The following DNHD1 variants were observed in gnomAD, a reference collection of about 807,000 sequenced individuals.
DNHD1 encodes dynein heavy chain domain 1.
In DNHD1, 383 loss-of-function variants were observed where a neutral mutation model predicts 458.1. The observed-to-expected ratio is 0.84, with a 90% CI of 0.77 to 0.91. The LOEUF is 0.91. Among genes scored for constraint, DNHD1 ranks in the 40% least tolerant of loss-of-function variants. The pLI, the probability that DNHD1 is intolerant of heterozygous loss-of-function variation, is 0.00. For synonymous variants in DNHD1, 2,203 were observed against 2,376.9 expected, an observed-to-expected ratio of 0.93 and a Z score of 2.13; for missense variants, 5,336 against 5,866.1, an observed-to-expected ratio of 0.91 and a Z score of 2.95.
rs1458047314 is a variant in DNHD1, at chr11:6,497,877, G to A, written c.-339G>A. 4 of 292,730 alleles carry A rather than the reference G, an allele frequency of 1.4e-5. No individual in the cohort carries two copies. The Admixed American group carries it at 1.9e-4, about 14-fold the overall frequency. The allele number at this position is 292,730 out of a possible 1,614,324, so 18.1% of individuals were successfully genotyped here. A position where few individuals can be genotyped will look rare whatever the true frequency, so the allele number is the denominator to read the frequency against. ...GGACAGGGTACTGGGAGGTAAGAAG[G>A]AACTCTTCTGCAAGGAGGGCTCTCA... On this transcript the variant is annotated 5_prime_UTR_variant, in exon 3 of 43. Transcript: ENST00000254579.
At chr11:6,563,220 A>G in intron 29 of DNHD1, 89 bp downstream of exon 29, 5 of 1,540,928 alleles carry the variant, frequency 3.2e-6, no homozygotes, top group Non-Finnish European at 4.4e-6. Flanking sequence ...GGATGGAGTG[A>G]CTCATCATGG....
intron 24 of DNHD1, 190 bp downstream of exon 24, chr11:6,549,123 T>C (rs1853282997): frequency 1.5e-6 from 1 of 655,346 alleles, no homozygotes; most frequent in Middle Eastern, 4.2e-4. Context: ...ATCTCTGCTT[T>C]GCTAAATCTC....
At chr11:6,532,163 A>G (rs1381872042) in intron 12 of DNHD1, among the ~76,000 whole-genome samples, 1 of 152,158 alleles carries the variant, frequency 6.6e-6, no homozygotes, top group Non-Finnish European at 1.5e-5. Context: ...TCTATATTGT[A>G]TTTTTCCTAT....
At chr11:6,530,705 T>A (rs1002650015) in intron 12 of DNHD1, among the ~76,000 whole-genome samples, 1 of 152,172 alleles carries the variant, frequency 6.6e-6, no homozygotes, top group Non-Finnish European at 1.5e-5. Flanking sequence ...CATGTATCAT[T>A]AGGTATCCAG....
intron 24 of DNHD1, among the ~76,000 whole-genome samples, chr11:6,549,642 AG>A (rs1853294406): frequency 6.6e-6 from 1 of 152,240 alleles, no homozygotes; most frequent in Non-Finnish European, 1.5e-5. Context: ...CCTGATCCAT[AG>A]GCTCGGTTAG....
At position 6,538,888 on chromosome 11, in the gene DNHD1, T is replaced by C. The variant is rs1002943424; in HGVS notation, c.3325+78T>C. On this transcript the variant is annotated intron_variant, in intron 16 of 42. Coordinates refer to ENST00000254579, the MANE Select transcript of DNHD1 (RefSeq NM_144666.3). Reference sequence around the variant, plus strand: ...GCGATGCAGCAACTCAGTTTCCTGCTGCTCCTGCTGGAAACACCTTTCATC... The same window carrying C: ...GCGATGCAGCAACTCAGTTTCCTGCCGCTCCTGCTGGAAACACCTTTCATC... The C allele has an allele frequency of 1.2e-5, 16 of 1,302,178 alleles. No homozygotes were observed. The African/African-American group carries it at 1.8e-4, about 15-fold the overall frequency. 80.7% of individuals were successfully genotyped at this position (1,302,178 alleles called of 1,614,324 possible).
At chr11:6,516,167 A>G (rs1852459608) in intron 7 of DNHD1, among the ~76,000 whole-genome samples, 1 of 151,944 alleles carries the variant, frequency 6.6e-6, no homozygotes, top group South Asian at 2.1e-4. Flanking sequence ...ACCTACAACT[A>G]TAGATTTGTT....
At chr11:6,522,831 A>G (rs72897893) in intron 10 of DNHD1, among the ~76,000 whole-genome samples, 11,186 of 152,262 alleles carry the variant, frequency 0.073, 582 homozygotes, top group Non-Finnish European at 0.11. Context: ...ATAGAAATGT[A>G]TACATTGACT....
At chr11:6,510,406 T>C (rs747955692) in intron 6 of DNHD1, among the ~76,000 whole-genome samples, 1 of 152,174 alleles carries the variant, frequency 6.6e-6, no homozygotes, top group African/African-American at 2.4e-5. Flanking sequence ...ATTAAAACAC[T>C]GTATGCTAGC....
chr11:6,501,105 T>C (rs1852124891), intron 3 of DNHD1, among the ~76,000 whole-genome samples: 1 of 152,152 alleles, frequency 6.6e-6, no homozygotes, highest in Non-Finnish European at 1.5e-5. Flanking sequence ...GTAAGAAGAA[T>C]GAAAATGTTC....
Position 6,539,290 on chromosome 11 carries a change from G to T in DNHD1, c.3397G>T (p.Glu1133Ter). 1 of 1,551,612 alleles carries T rather than the reference G, an allele frequency of 6.4e-7. No homozygotes were observed. Among genetic ancestry groups the T allele is most frequent in the Non-Finnish European group, 8.7e-7 (1 of 1,146,958 alleles). ...LGQLLTYPLL[E>*]FADRINQVWQ... Reference sequence around the variant, plus strand: ...CCAGCTGCTTACTTATCCACTGCTGGAGTTTGCAGATCGAATCAACCAGGT... The same window carrying T: ...CCAGCTGCTTACTTATCCACTGCTGTAGTTTGCAGATCGAATCAACCAGGT... The change falls in exon 17 of 43, where the codon GAG becomes TAG. Residue 1133 changes from glutamate (E) to a stop codon, truncating the protein, a stop_gained. Transcript: ENST00000254579. LOFTEE classifies it high-confidence loss of function.
In DNHD1 at chr11:6,498,081, T is replaced by TGAGG; in HGVS notation, c.-134_-131dup. 6.4e-6 allele frequency: 8 copies of TGAGG among 1,257,646 alleles called. No homozygotes were observed. The highest frequency in any genetic ancestry group is 8.9e-6 in the Non-Finnish European group (8 of 899,672). The allele number at this position is 1,257,646 out of a possible 1,614,324, so 77.9% of individuals were successfully genotyped here. A position where few individuals can be genotyped will look rare whatever the true frequency, so the allele number is the denominator to read the frequency against. ...CTCTGACCATCCCCTGCCCAGAGCC[T>TGAGG]GAGGTCCCTTCTCTGGCCCCTCTGC... On this transcript the variant is annotated 5_prime_UTR_variant, in exon 3 of 43. Transcript: ENST00000254579.
intron 35 of DNHD1, 22 bp downstream of exon 35, chr11:6,566,787 G>T: frequency 6.2e-7 from 1 of 1,605,314 alleles, no homozygotes. Flanking sequence ...CTCAGTCTGT[G>T]GGTTGAGATG....
intron 3 of DNHD1, among the ~76,000 whole-genome samples, chr11:6,499,949 C>A (rs1321468817): frequency 7.1e-6 from 1 of 141,402 alleles, no homozygotes; most frequent in East Asian, 2.2e-4. Flanking sequence ...CTCTTCTCAG[C>A]GTTCTCTAAC....
At chr11:6,536,704 A>T (rs1306979874) in intron 14 of DNHD1, among the ~76,000 whole-genome samples, 1 of 152,240 alleles carries the variant, frequency 6.6e-6, no homozygotes, top group Admixed American at 6.5e-5. Context: ...CATGGAAATT[A>T]TCAAGTAGAT....
At chr11:6,521,853 A>C (rs1399800359) in intron 10 of DNHD1, among the ~76,000 whole-genome samples, 1 of 152,106 alleles carries the variant, frequency 6.6e-6, no homozygotes, top group African/African-American at 2.4e-5. Context: ...AGTAGCTGGA[A>C]CTGCAGGAAC....
chr11:6,524,818 C>T (rs1852677123), intron 10 of DNHD1, among the ~76,000 whole-genome samples: 1 of 152,130 alleles, frequency 6.6e-6, no homozygotes, highest in Non-Finnish European at 1.5e-5. Flanking sequence ...TACGTACGCA[C>T]CTATAACTAA....
chr11:6,501,879 A>T (rs1852143842), intron 3 of DNHD1, among the ~76,000 whole-genome samples: 1 of 152,220 alleles, frequency 6.6e-6, no homozygotes, highest in African/African-American at 2.4e-5. Context: ...CCAACACAAC[A>T]GTTCATCAAG....
Position 6,505,407 on chromosome 11 carries a change from T to C in DNHD1, c.920+2481T>C, listed in dbSNP as rs2555153. ...AGCTTTGATTACAGGCACTTGCTAA[T>C]ATGACTGGCTAATTTTTGTATTTTT... On this transcript the variant is annotated intron_variant, in intron 4 of 42. Transcript: ENST00000254579. The surrounding 1 kb of genome is among the most constrained non-coding windows in gnomAD (Gnocchi z 4.4). Among the ~76,000 whole-genome samples, 1,266 of 152,010 alleles carry C rather than the reference T, an allele frequency of 8.3e-3. 21 individuals are homozygous for C. The highest frequency in any genetic ancestry group is 0.029 in the African/African-American group (1,198 of 41,464).
Sources: allele counts gnomAD v4.1 joint callset (sites outside exome capture counted in the v4.1 genomes callset), GRCh38; gene constraint gnomAD v4.1.1; non-coding constraint Gnocchi (gnomAD v3.1); transcripts MANE v1.5; gene names NCBI Gene and HGNC (gene_info 2026-07-23, HGNC 2026-07-21).